The following ABHD18 variants were observed in gnomAD, a reference collection of about 807,000 sequenced individuals.
ABHD18 encodes cardiolipin-specific deacylase, mitochondrial.
Under a neutral mutation model 65.9 loss-of-function variants are expected in ABHD18, and 55 were observed. That is an observed-to-expected ratio of 0.84 (90% CI 0.67 to 1.05). ABHD18 has a LOEUF of 1.05. Among genes scored for constraint, ABHD18 ranks in the 50% least tolerant of loss-of-function variants. The probability of loss-of-function intolerance (pLI) is 0.00; values close to 1 mark genes in which losing one functional copy is unlikely to be tolerated. For synonymous variants in ABHD18, 181 were observed against 180.2 expected (o/e 1.00, Z -0.04); for missense variants, 533 against 558.5 (o/e 0.95, Z 0.46).
intron 1 of ABHD18, among the ~76,000 whole-genome samples, chr4:127,967,266 CAT>C (rs953113888): frequency 4.2e-4 from 64 of 151,802 alleles, no homozygotes; most frequent in South Asian, 1.9e-3. Flanking sequence ...GGAATTGTCT[CAT>C]GTGTACAAGG....
Position 128,017,465 on chromosome 4 carries a change from C to T in ABHD18, c.573C>T (p.Gly191=). 1 of 1,613,360 alleles carries T rather than the reference C, an allele frequency of 6.2e-7. No homozygotes were observed. Among genetic ancestry groups the T allele is most frequent in the South Asian group, 1.1e-5 (1 of 90,978 alleles). ...LLHWLEREGY[G]PLGMTGISMG... The stretch of plus-strand genomic sequence containing the variant: ...ACTGGCTAGAGAGGGAAGGTTACGG[C>T]CCTTTAGGAATGACTGGAATATCCA... Residue 191 remains glycine, a synonymous_variant, in exon 8 of 13, where the codon GGC becomes GGT. Transcript: ENST00000645843.
chr4:128,017,289 C>A, intron 7 of ABHD18, 74 bp from the exon 8 acceptor site: 1 of 1,400,942 alleles, frequency 7.1e-7, no homozygotes, highest in South Asian at 1.3e-5. Context: ...AGTCTGGCAG[C>A]CTGTTGTAAA....
chr4:128,011,152 T>A (rs1754465136), intron 6 of ABHD18, among the ~76,000 whole-genome samples: 1 of 147,444 alleles, frequency 6.8e-6, no homozygotes, highest in Admixed American at 6.8e-5. Context: ...GATATATGAT[T>A]TTTTTTTTTT....
intron 10 of ABHD18, among the ~76,000 whole-genome samples, chr4:128,024,944 G>A (rs996251718): frequency 1.4e-4 from 21 of 151,916 alleles, no homozygotes; most frequent in Non-Finnish European, 7.4e-5. Context: ...CTCCCACCTC[G>A]GCCTTCCAAA....
chr4:128,017,031 C>T (rs1317453191), intron 7 of ABHD18, among the ~76,000 whole-genome samples: 1 of 152,014 alleles, frequency 6.6e-6, no homozygotes, highest in Non-Finnish European at 1.5e-5. Flanking sequence ...GATTTTCATG[C>T]CTCAGTTTTC....
At chr4:128,013,874 C>T (rs1244759484) in intron 7 of ABHD18, among the ~76,000 whole-genome samples, 2 of 150,166 alleles carry the variant, frequency 1.3e-5, no homozygotes, top group African/African-American at 4.9e-5. Context: ...GGGGTGGAGG[C>T]AAACCGGTAT....
At chr4:128,005,113 C>T (rs951387457) in intron 4 of ABHD18, among the ~76,000 whole-genome samples, 4 of 152,250 alleles carry the variant, frequency 2.6e-5, no homozygotes, top group African/African-American at 9.6e-5. Context: ...CCTGTAATCC[C>T]AGCTACTTGG....
chr4:128,014,202 C>T (rs537827741), intron 7 of ABHD18, among the ~76,000 whole-genome samples: 1 of 151,954 alleles, frequency 6.6e-6, no homozygotes, highest in South Asian at 2.1e-4. Flanking sequence ...AGGCTGGTCT[C>T]GAACTCCCGA....
chr4:128,004,089 G>C (rs1753175162), intron 4 of ABHD18, among the ~76,000 whole-genome samples: 1 of 151,536 alleles, frequency 6.6e-6, no homozygotes, highest in African/African-American at 2.4e-5. Flanking sequence ...TATAACATCT[G>C]TTTCCTTCAA....
At chr4:127,969,442 G>A (rs1031355820) in intron 1 of ABHD18, among the ~76,000 whole-genome samples, 4 of 151,950 alleles carry the variant, frequency 2.6e-5, no homozygotes, top group African/African-American at 9.7e-5. Context: ...CAGGTGATCC[G>A]CCTGCCTCAG....
At chr4:128,025,056 TATAA>T (rs747031077) in intron 10 of ABHD18, among the ~76,000 whole-genome samples, 2 of 152,218 alleles carry the variant, frequency 1.3e-5, no homozygotes, top group Non-Finnish European at 2.9e-5. Context: ...CATCAAAAAG[TATAA>T]ATAGATACAT....
chr4:127,970,065 A>G (rs1746436529), intron 1 of ABHD18, among the ~76,000 whole-genome samples: 1 of 150,632 alleles, frequency 6.6e-6, no homozygotes, highest in African/African-American at 2.4e-5. Context: ...TTTTTTTTTT[A>G]AGAGACGAGG....
rs1309619852 is a variant in ABHD18, at chr4:127,966,595, A to G, written c.-18+989A>G. The stretch of plus-strand genomic sequence containing the variant: ...ACGTGCGGTCTGGGTGCGATGGTTC[A>G]TGCCTGTAATCCCAGCACCTTGGGA... On this transcript the variant is annotated intron_variant, in intron 1 of 12. Transcript: ENST00000645843. Among the ~76,000 whole-genome samples, 3 of 149,348 alleles carry G rather than the reference A, an allele frequency of 2.0e-5. No homozygotes were observed. The East Asian group carries it at 6.0e-4, about 30-fold the overall frequency.
chr4:128,021,271 G>C (rs897421007), intron 10 of ABHD18, 33 bp downstream of exon 10: 2 of 1,234,902 alleles, frequency 1.6e-6, no homozygotes, highest in Non-Finnish European at 2.3e-6. Flanking sequence ...AACATTGGTG[G>C]TGGGGGGAGT....
intron 4 of ABHD18, among the ~76,000 whole-genome samples, chr4:127,992,301 G>C (rs146928160): frequency 6.6e-6 from 1 of 151,872 alleles, no homozygotes; most frequent in South Asian, 2.1e-4. Context: ...GTGAAACCCC[G>C]TCTCTACTAA....
chr4:127,983,096 T>C, intron 2 of ABHD18, 49 bp downstream of exon 2: 2 of 1,296,064 alleles, frequency 1.5e-6, no homozygotes, highest in South Asian at 2.6e-5. Flanking sequence ...GTTGTTTTAA[T>C]GAACATTTAA....
At chr4:127,976,829 C>G (rs1052737735) in intron 1 of ABHD18, among the ~76,000 whole-genome samples, 11 of 152,202 alleles carry the variant, frequency 7.2e-5, no homozygotes, top group African/African-American at 2.6e-4. Flanking sequence ...ATCACAAGGT[C>G]AGGAGATCAA....
chr4:128,019,314 A>T (rs2149163358), intron 8 of ABHD18, among the ~76,000 whole-genome samples: 1 of 152,162 alleles, frequency 6.6e-6, no homozygotes, highest in African/African-American at 2.4e-5. Context: ...CTCTAATCTG[A>T]TCTTGATCAA....
chr4:128,018,887 G>A (rs1017850944), intron 8 of ABHD18, among the ~76,000 whole-genome samples: 2 of 151,706 alleles, frequency 1.3e-5, no homozygotes, highest in Non-Finnish European at 2.9e-5. Context: ...GGTGGCACGT[G>A]CCTGTAATCC....
Sources: allele counts gnomAD v4.1 joint callset (sites outside exome capture counted in the v4.1 genomes callset), GRCh38; gene constraint gnomAD v4.1.1; transcripts MANE v1.5; gene names NCBI Gene and HGNC (gene_info 2026-07-23, HGNC 2026-07-21).